CNTNAP5: variants seen among roughly 807,000 people sequenced by gnomAD.
CNTNAP5 encodes the protein contactin associated protein family member 5, also known as contactin-associated protein-like 5.
Under a neutral mutation model 150.2 loss-of-function variants are expected in CNTNAP5, and 72 were observed. The ratio of observed to expected loss-of-function variants is 0.48; its 90% CI spans 0.40 to 0.58. The LOEUF (loss-of-function observed/expected upper bound fraction) is 0.58, where lower values mean the gene tolerates loss of function less well. CNTNAP5 is among the 20% of genes least tolerant of loss of function. The pLI is 0.00. For synonymous variants in CNTNAP5, 672 were observed against 619.8 expected (o/e 1.08, Z -1.25); for missense variants, 1,636 against 1,626.2 (o/e 1.01, Z -0.10).
At chr2:124,760,504 T>C (rs1471769660) in intron 14 of CNTNAP5, among the ~76,000 whole-genome samples, 1 of 151,732 alleles carries the variant, frequency 6.6e-6, no homozygotes, top group Admixed American at 6.6e-5. Context: ...AATACCAAAA[T>C]TCAGATATTT....
At chr2:124,700,564 G>A (rs865878779) in intron 13 of CNTNAP5, among the ~76,000 whole-genome samples, 3 of 151,996 alleles carry the variant, frequency 2.0e-5, no homozygotes, top group South Asian at 2.1e-4. Flanking sequence ...GTGTGAAATG[G>A]CATCTCATTA....
At chr2:124,893,817 CA>C (rs1403193303) in intron 21 of CNTNAP5, among the ~76,000 whole-genome samples, 1 of 152,070 alleles carries the variant, frequency 6.6e-6, no homozygotes, top group Non-Finnish European at 1.5e-5. Context: ...AAATTTAGGT[CA>C]TTCAACTTAG....
intron 1 of CNTNAP5, among the ~76,000 whole-genome samples, chr2:124,142,934 C>T (rs1480474714): frequency 1.4e-5 from 2 of 139,338 alleles, no homozygotes; most frequent in Non-Finnish European, 3.1e-5. Context: ...ATCAAATAGA[C>T]ACAATAAAAA....
intron 10 of CNTNAP5, among the ~76,000 whole-genome samples, chr2:124,531,258 G>T (rs1236478463): frequency 6.6e-6 from 1 of 152,052 alleles, no homozygotes; most frequent in African/African-American, 2.4e-5. Context: ...CTGATAAGAG[G>T]AGGAGCTTAG....
intron 18 of CNTNAP5, among the ~76,000 whole-genome samples, chr2:124,797,010 G>A (rs915024233): frequency 6.6e-6 from 1 of 152,188 alleles, no homozygotes. Flanking sequence ...AGTCTATTGG[G>A]ATGGATTCAG....
At chr2:124,858,972 C>A (rs970964844) in intron 19 of CNTNAP5, among the ~76,000 whole-genome samples, 4 of 152,062 alleles carry the variant, frequency 2.6e-5, no homozygotes, top group African/African-American at 9.7e-5. Flanking sequence ...AAAACCGAGG[C>A]AATACCATTC....
chr2:124,567,981 A>G (rs1401283663), intron 11 of CNTNAP5, among the ~76,000 whole-genome samples: 1 of 152,194 alleles, frequency 6.6e-6, no homozygotes, highest in Non-Finnish European at 1.5e-5. Context: ...CAGAAAGCTT[A>G]TGTAAATTCC....
At chr2:124,846,164 G>T (rs1683043462) in intron 19 of CNTNAP5, among the ~76,000 whole-genome samples, 1 of 151,878 alleles carries the variant, frequency 6.6e-6, no homozygotes, top group African/African-American at 2.4e-5. Context: ...TTTCCTCTTA[G>T]CACCACTTTT....
intron 22 of CNTNAP5, among the ~76,000 whole-genome samples, chr2:124,907,932 G>T (rs1246537822): frequency 6.6e-6 from 1 of 151,452 alleles, no homozygotes; most frequent in African/African-American, 2.4e-5. Context: ...ATATATTAAT[G>T]TATCATTAGC....
chr2:124,895,883 G>C (rs1218236742), intron 21 of CNTNAP5, among the ~76,000 whole-genome samples: 1 of 151,472 alleles, frequency 6.6e-6, no homozygotes, highest in African/African-American at 2.4e-5. Flanking sequence ...CTTTCAGTCT[G>C]GCACCTGAAA....
In CNTNAP5 at chr2:124,617,152, A is replaced by G. The variant is rs72972577; in HGVS notation, c.1876+7232A>G. Among the ~76,000 whole-genome samples, 575 of 152,210 alleles carry G rather than the reference A, an allele frequency of 3.8e-3. 4 individuals are homozygous for G. Among genetic ancestry groups the G allele is most frequent in the African/African-American group, 0.013 (559 of 41,522 alleles). The stretch of plus-strand genomic sequence containing the variant: ...CACAGAGACATGAAGTGAGCACACA[A>G]TATTGGAAAAATGGTACCGACAGAC... On this transcript the variant is annotated intron_variant, in intron 12 of 23. Transcript: ENST00000682447.
chr2:124,341,614 A>T (rs1287279479), intron 3 of CNTNAP5, among the ~76,000 whole-genome samples: 3 of 152,182 alleles, frequency 2.0e-5, no homozygotes, highest in Admixed American at 6.5e-5. Flanking sequence ...GTTAAGGTGA[A>T]CGAGTCTTTA....
chr2:124,705,728 C>A (rs147748937), intron 13 of CNTNAP5, among the ~76,000 whole-genome samples: 3 of 147,668 alleles, frequency 2.0e-5, no homozygotes, highest in Non-Finnish European at 3.0e-5. Flanking sequence ...AAATGAGTAG[C>A]GTAAAAATCT....
intron 21 of CNTNAP5, among the ~76,000 whole-genome samples, chr2:124,874,749 C>G (rs1045523633): frequency 9.2e-5 from 14 of 152,142 alleles, no homozygotes; most frequent in African/African-American, 3.4e-4. Flanking sequence ...AATTATAGTA[C>G]TGCCTTTAAA....
intron 3 of CNTNAP5, among the ~76,000 whole-genome samples, chr2:124,331,448 A>G (rs1422956092): frequency 6.6e-6 from 1 of 152,082 alleles, no homozygotes; most frequent in Non-Finnish European, 1.5e-5. Context: ...TTTATTTGGC[A>G]GTGCTCTCTA....
chr2:124,397,132 A>C (rs187911611), intron 3 of CNTNAP5, among the ~76,000 whole-genome samples: 1 of 152,328 alleles, frequency 6.6e-6, no homozygotes, highest in East Asian at 1.9e-4. Flanking sequence ...AATTTCTTTG[A>C]CACTGAATTT....
chr2:124,269,283 A>T (rs1397783596), intron 3 of CNTNAP5, among the ~76,000 whole-genome samples: 1 of 152,140 alleles, frequency 6.6e-6, no homozygotes, highest in Non-Finnish European at 1.5e-5. Flanking sequence ...ATATTTTAAG[A>T]GTCACATCCC....
intron 16 of CNTNAP5, among the ~76,000 whole-genome samples, chr2:124,766,126 G>C (rs1348618559): frequency 6.6e-6 from 1 of 152,060 alleles, no homozygotes; most frequent in Non-Finnish European, 1.5e-5. Context: ...AGTGACGTTT[G>C]CTATTTTTTT....
intron 7 of CNTNAP5, among the ~76,000 whole-genome samples, chr2:124,499,324 A>G (rs1694223479): frequency 6.6e-6 from 1 of 152,208 alleles, no homozygotes; most frequent in African/African-American, 2.4e-5. Context: ...AAGAAACATA[A>G]TAGATTTCCA....
Sources: gnomAD v4.1 joint callset for allele counts (sites outside exome capture counted in the v4.1 genomes callset) on GRCh38, gnomAD v4.1.1 for gene constraint, MANE v1.5 for transcripts, NCBI Gene and HGNC (gene_info 2026-07-23, HGNC 2026-07-21) for gene names.